DISP1: variants seen among roughly 807,000 people sequenced by gnomAD.
DISP1 encodes the protein dispatched RND transporter family member 1, also known as protein dispatched homolog 1.
Under a neutral mutation model 37.3 loss-of-function variants are expected in DISP1, and 30 were observed. The observed-to-expected ratio is 0.80, with a 90% CI of 0.60 to 1.09. DISP1 has a LOEUF of 1.09. Ranked by LOEUF, DISP1 falls within the 50% of genes least tolerant of loss-of-function variation. The pLI is 0.00. For missense variants in DISP1, 1,598 were observed against 1,879.5 expected, an observed-to-expected ratio of 0.85 and a Z score of 2.77; for synonymous variants, 634 against 690.2, an observed-to-expected ratio of 0.92 and a Z score of 1.28.
chr1:222,992,069 A>C lies in DISP1; in HGVS notation c.848A>C (p.Asp283Ala). The C allele has an allele frequency of 6.2e-7, 1 of 1,614,052 alleles. No homozygotes were observed. The stretch of plus-strand genomic sequence containing the variant: ...TATGAAAGAGAGAAAAGAGAAGTTG[A>C]CTGGAACTTCCACAAGGACAGCTTT... ...DHYEREKREV[D>A]WNFHKDSFFC... is the part of the protein sequence containing the mutation. The change falls in exon 7 of 9, where the codon GAC (aspartate) becomes GCC (alanine). Residue 283 changes from aspartate (D) to alanine (A), a missense_variant. Physicochemically the swap from Asp to Ala is moderately radical, Grantham distance 126. Transcript: ENST00000675850.
chr1:222,929,841 A>G (rs934315834), intron 2 of DISP1, among the ~76,000 whole-genome samples: 3 of 152,034 alleles, frequency 2.0e-5, no homozygotes, highest in African/African-American at 7.2e-5. Flanking sequence ...GGGATATTTT[A>G]TTGATTTTAC....
intron 7 of DISP1, among the ~76,000 whole-genome samples, chr1:222,994,380 A>G (rs1013060708): frequency 6.6e-6 from 1 of 152,186 alleles, no homozygotes; most frequent in Non-Finnish European, 1.5e-5. Flanking sequence ...CAGAGAGACC[A>G]TGTACTCGAC....
intron 1 of DISP1, among the ~76,000 whole-genome samples, chr1:222,824,860 ACT>A (rs1421278000): frequency 6.6e-6 from 1 of 151,698 alleles, no homozygotes; most frequent in African/African-American, 2.4e-5. Flanking sequence ...AATCACCCAA[ACT>A]CTTTTTTCTT....
At chr1:222,844,463 T>C (rs1279782548) in intron 1 of DISP1, among the ~76,000 whole-genome samples, 1 of 152,152 alleles carries the variant, frequency 6.6e-6, no homozygotes, top group Non-Finnish European at 1.5e-5. Flanking sequence ...CCTTCAGTTA[T>C]ATAATGGATA....
intron 2 of DISP1, among the ~76,000 whole-genome samples, chr1:222,939,553 T>G (rs918922040): frequency 4.6e-5 from 7 of 151,946 alleles, no homozygotes; most frequent in Admixed American, 6.6e-5. Flanking sequence ...CTGGGCACAG[T>G]GGCTCACGCC....
rs528102031 is a variant in DISP1, at chr1:223,001,609, C to T, written c.988-776C>T. Among the ~76,000 whole-genome samples, 6 of 152,222 alleles carry T rather than the reference C, an allele frequency of 3.9e-5. No individual in the cohort carries two copies. In the South Asian group the frequency reaches 1.2e-3, roughly 32 times the overall value. ...AACAAAAATTTAATTCTTATAGTTC[C>T]AGAGGCTGAGAAGTTCAAGATCAAG... On this transcript the variant is annotated intron_variant, in intron 8 of 8. Coordinates refer to ENST00000675850, the MANE Select transcript of DISP1 (RefSeq NM_001377229.1).
chr1:222,885,475 T>C (rs1482716814), intron 1 of DISP1, among the ~76,000 whole-genome samples: 1 of 150,678 alleles, frequency 6.6e-6, no homozygotes, highest in Non-Finnish European at 1.5e-5. Context: ...TTTTCTTTTT[T>C]TTTTTTTTTT....
At chr1:222,938,909 T>C (rs1217799705) in intron 2 of DISP1, among the ~76,000 whole-genome samples, 5 of 152,140 alleles carry the variant, frequency 3.3e-5, no homozygotes, top group African/African-American at 4.8e-5. Context: ...ATGCATCCAT[T>C]GAACTTAAAT....
intron 3 of DISP1, among the ~76,000 whole-genome samples, chr1:222,952,869 C>A (rs560893206): frequency 7.2e-5 from 11 of 151,984 alleles, no homozygotes; most frequent in African/African-American, 2.7e-4. Flanking sequence ...AACAAACAAA[C>A]AAAAAATCTG....
At position 222,973,581 on chromosome 1, in the gene DISP1, A is replaced by G. The variant is rs188492488; in HGVS notation, c.510-9499A>G. 5.3e-5 allele frequency among the ~76,000 whole-genome samples: 8 copies of G among 152,324 alleles called. No homozygotes were observed. In the East Asian group the frequency reaches 1.5e-3, roughly 29 times the overall value. On this transcript the variant is annotated intron_variant, in intron 3 of 8. Coordinates refer to ENST00000675850, the MANE Select transcript of DISP1 (RefSeq NM_001377229.1). ...TTTATTTAAGAATCTTCTTATTAACAAGTGAACAGTAAGGTTATTTAAGAA... is the reference window on the plus strand; with the variant it reads ...TTTATTTAAGAATCTTCTTATTAACGAGTGAACAGTAAGGTTATTTAAGAA...
At chr1:222,875,891 G>A (rs756512857) in intron 1 of DISP1, among the ~76,000 whole-genome samples, 22 of 150,782 alleles carry the variant, frequency 1.5e-4, no homozygotes, top group Non-Finnish European at 5.9e-5. Flanking sequence ...CTTATTAGAT[G>A]CCTGTTATGA....
chr1:222,996,933 T>C (rs2102769080), intron 8 of DISP1, among the ~76,000 whole-genome samples: 1 of 152,198 alleles, frequency 6.6e-6, no homozygotes, highest in Middle Eastern at 3.4e-3. Context: ...ATTCCATGAG[T>C]ACATGTTAGA....
intron 1 of DISP1, among the ~76,000 whole-genome samples, chr1:222,824,944 C>T (rs1272703002): frequency 2.0e-5 from 3 of 152,090 alleles, no homozygotes; most frequent in African/African-American, 7.2e-5. Context: ...TTTCCATCTG[C>T]CGCTACTGCA....
In DISP1 at chr1:222,864,183, A is replaced by G. The variant is rs187893736; in HGVS notation, c.-159+49105A>G. Among the ~76,000 whole-genome samples, 629 of 152,330 alleles carry G rather than the reference A, an allele frequency of 4.1e-3. 2 individuals are homozygous for G. The highest frequency in any genetic ancestry group is 7.1e-3 in the Non-Finnish European group (480 of 68,030). The stretch of plus-strand genomic sequence containing the variant: ...AGGGTTCATTCTAGTTTCTCTCCAT[A>G]TTCACAACTCCCATTTCCAACAGTG... On this transcript the variant is annotated intron_variant, in intron 1 of 8. Transcript: ENST00000675850.
intron 1 of DISP1, among the ~76,000 whole-genome samples, chr1:222,821,003 C>G (rs759879713): frequency 4.0e-5 from 6 of 151,812 alleles, no homozygotes; most frequent in Non-Finnish European, 8.8e-5. Context: ...TATGCTTATC[C>G]ATCCCACGGG....
At chr1:222,962,161 T>A (rs1217405508) in intron 3 of DISP1, among the ~76,000 whole-genome samples, 1 of 152,012 alleles carries the variant, frequency 6.6e-6, no homozygotes, top group East Asian at 1.9e-4. Flanking sequence ...CAGAACCAAA[T>A]CATGAATGAA....
chr1:222,954,014 G>C (rs948793683), intron 3 of DISP1, among the ~76,000 whole-genome samples: 1 of 151,336 alleles, frequency 6.6e-6, no homozygotes, highest in African/African-American at 2.4e-5. Flanking sequence ...TTCCATATTC[G>C]TGCTAGTTAT....
chr1:222,985,691 T>A (rs1283183781), intron 4 of DISP1, among the ~76,000 whole-genome samples: 3 of 152,222 alleles, frequency 2.0e-5, no homozygotes, highest in Middle Eastern at 3.4e-3. Context: ...ACACTTTTTT[T>A]AACCTGTCTT....
chr1:222,869,567 C>G (rs572217205), intron 1 of DISP1, among the ~76,000 whole-genome samples: 32 of 152,206 alleles, frequency 2.1e-4, no homozygotes, highest in African/African-American at 6.7e-4. Context: ...GGAATTCTTT[C>G]ACTCTGAGGA....
Sources: gnomAD v4.1 joint callset for allele counts (sites outside exome capture counted in the v4.1 genomes callset) on GRCh38, gnomAD v4.1.1 for gene constraint, MANE v1.5 for transcripts, NCBI Gene and HGNC (gene_info 2026-07-23, HGNC 2026-07-21) for gene names.